Variants in ROBO1 observed in about 807,000 individuals in gnomAD.
ROBO1 encodes roundabout homolog 1.
Under a neutral mutation model 195.9 loss-of-function variants are expected in ROBO1, and 149 were observed. The observed-to-expected ratio is 0.76, with a 90% CI of 0.67 to 0.87. The LOEUF (loss-of-function observed/expected upper bound fraction) is 0.87, where lower values mean the gene tolerates loss of function less well. Among genes scored for constraint, ROBO1 ranks in the 40% least tolerant of loss-of-function variants. The pLI is 0.00. For missense variants in ROBO1, 1,933 were observed against 2,068.3 expected, an observed-to-expected ratio of 0.93 and a Z score of 1.27; for synonymous variants, 816 against 733.2, an observed-to-expected ratio of 1.11 and a Z score of -1.82.
chr3:79,595,762 C>A (rs1260053812), intron 1 of ROBO1, among the ~76,000 whole-genome samples: 1 of 150,570 alleles, frequency 6.6e-6, no homozygotes, highest in Non-Finnish European at 1.5e-5. Flanking sequence ...CCTATGTTGC[C>A]CAAGATGGTC....
At chr3:79,363,115 C>T (rs1171312767) in intron 2 of ROBO1, among the ~76,000 whole-genome samples, 1 of 152,102 alleles carries the variant, frequency 6.6e-6, no homozygotes, top group African/African-American at 2.4e-5. Flanking sequence ...TTCTTCTCAG[C>T]CACTAACAGC....
chr3:79,445,378 A>T (rs1575834539), intron 2 of ROBO1, among the ~76,000 whole-genome samples: 1 of 151,882 alleles, frequency 6.6e-6, no homozygotes, highest in South Asian at 2.1e-4. Context: ...CACACCAGTG[A>T]TCAGGTTTAT....
intron 4 of ROBO1, among the ~76,000 whole-genome samples, chr3:78,842,368 GAGCCATATATATTTTTATATA>G (rs1232883833): frequency 3.2e-5 from 2 of 61,550 alleles, no homozygotes; most frequent in African/African-American, 6.8e-5. Flanking sequence ...TTATATATAT[GAGCCATATATATTTTTATATA>G]TATGAGCCAT....
chr3:79,527,618 A>G (rs964905400), intron 2 of ROBO1, among the ~76,000 whole-genome samples: 6 of 152,178 alleles, frequency 3.9e-5, no homozygotes, highest in Non-Finnish European at 7.4e-5. Context: ...AGCAAAAAAA[A>G]AAATCAGGTT....
At position 79,460,280 on chromosome 3, in the gene ROBO1, C is replaced by T. The variant is rs539597678; in HGVS notation, c.88+129544G>A. On this transcript the variant is annotated intron_variant, in intron 2 of 30. Transcript: ENST00000464233. ...TCAATATATGGAGACTACAGTAACA[C>T]TGATTGTAAATATCCAAATGTGTTT... Among the ~76,000 whole-genome samples the T allele has an allele frequency of 7.9e-5, 12 of 152,272 alleles. No homozygotes were observed. The South Asian group carries it at 2.5e-3, about 32-fold the overall frequency.
chr3:78,729,743 C>G (rs2082245580), intron 5 of ROBO1, among the ~76,000 whole-genome samples: 1 of 152,144 alleles, frequency 6.6e-6, no homozygotes, highest in African/African-American at 2.4e-5. Context: ...TGGTTTTAGC[C>G]TTTGCTAGCT....
chr3:79,291,786 A>G (rs908159919), intron 2 of ROBO1, among the ~76,000 whole-genome samples: 2 of 152,178 alleles, frequency 1.3e-5, no homozygotes, highest in African/African-American at 4.8e-5. Context: ...TAGATTCTCC[A>G]TATGATACAT....
chr3:79,659,361 T>A, intron 1 of ROBO1, among the ~76,000 whole-genome samples: 1 of 152,126 alleles, frequency 6.6e-6, no homozygotes, highest in East Asian at 1.9e-4. Flanking sequence ...TAAAATGTAA[T>A]GATATAAATC....
chr3:78,865,250 A>AATAAATT (rs1313092262), intron 4 of ROBO1, among the ~76,000 whole-genome samples: 1 of 152,212 alleles, frequency 6.6e-6, no homozygotes, highest in African/African-American at 2.4e-5. Flanking sequence ...AATAAATAAC[A>AATAAATT]ATAAATTGCT....
intron 1 of ROBO1, among the ~76,000 whole-genome samples, chr3:79,740,699 C>T (rs1028818942): frequency 2.6e-5 from 4 of 152,186 alleles, no homozygotes; most frequent in African/African-American, 9.6e-5. Context: ...CCTGATCCTG[C>T]CGTTGACATG....
intron 2 of ROBO1, among the ~76,000 whole-genome samples, chr3:79,287,957 A>C (rs1239635296): frequency 2.6e-5 from 4 of 152,106 alleles, no homozygotes; most frequent in African/African-American, 9.7e-5. Context: ...AGAACACCCT[A>C]ACCATTCAAA....
Position 78,897,135 on chromosome 3 carries a change from C to T in ROBO1, c.499+41466G>A, listed in dbSNP as rs959618090. 2.0e-5 allele frequency among the ~76,000 whole-genome samples: 3 copies of T among 152,176 alleles called. No individual in the cohort carries two copies. In the South Asian group the frequency reaches 6.2e-4, roughly 32 times the overall value. On this transcript the variant is annotated intron_variant, in intron 4 of 30. Transcript: ENST00000464233. ...TGTCCTGACAGTGAACAGTATCTCA[C>T]CCTCCTTATTCTGTACCTTCACAGT... is the stretch of plus-strand genomic sequence containing the variant.
At chr3:78,968,202 A>G (rs1015216226) in intron 3 of ROBO1, among the ~76,000 whole-genome samples, 2 of 152,098 alleles carry the variant, frequency 1.3e-5, no homozygotes, top group Non-Finnish European at 2.9e-5. Flanking sequence ...ATGCTAACAA[A>G]ACACTCAGGT....
chr3:79,171,023 GAGTT>G (rs1337981761), intron 2 of ROBO1, among the ~76,000 whole-genome samples: 1 of 151,654 alleles, frequency 6.6e-6, no homozygotes, highest in African/African-American at 2.4e-5. Context: ...GGGATATTTT[GAGTT>G]AGTTCTTAAA....
Position 78,951,078 on chromosome 3 carries a change from C to T in ROBO1, c.173-12151G>A, listed in dbSNP as rs138614516. Among the ~76,000 whole-genome samples, 978 of 151,456 alleles carry T rather than the reference C, an allele frequency of 6.5e-3. 10 individuals are homozygous for T. Among genetic ancestry groups the T allele is most frequent in the African/African-American group, 0.023 (948 of 41,314 alleles). On this transcript the variant is annotated intron_variant, in intron 3 of 30. Transcript: ENST00000464233. ...GTTATATATCATATATAACCTATATCATAGATATATATAACTCTGACTCAC... is the reference window on the plus strand; with the variant it reads ...GTTATATATCATATATAACCTATATTATAGATATATATAACTCTGACTCAC...
At chr3:79,714,462 C>T (rs937555351) in intron 1 of ROBO1, among the ~76,000 whole-genome samples, 1 of 152,054 alleles carries the variant, frequency 6.6e-6, no homozygotes, top group Admixed American at 6.6e-5. Context: ...GGATCTAGAA[C>T]TAGAAATACC....
chr3:79,255,301 G>C (rs994121422), intron 2 of ROBO1, among the ~76,000 whole-genome samples: 1 of 152,116 alleles, frequency 6.6e-6, no homozygotes, highest in Non-Finnish European at 1.5e-5. Context: ...ACTGAAATGA[G>C]CTCTTATTGT....
At chr3:79,725,470 C>T (rs922879867) in intron 1 of ROBO1, among the ~76,000 whole-genome samples, 1 of 151,994 alleles carries the variant, frequency 6.6e-6, no homozygotes, top group Non-Finnish European at 1.5e-5. Flanking sequence ...TCGTGATCCG[C>T]CCGCCTCGGC....
intron 1 of ROBO1, among the ~76,000 whole-genome samples, chr3:79,763,528 A>G (rs933093608): frequency 1.3e-5 from 2 of 152,162 alleles, no homozygotes; most frequent in Admixed American, 1.3e-4. Context: ...GGCCAAATGA[A>G]GAAGATAATT....
Sources: gnomAD v4.1 joint callset for allele counts (sites outside exome capture counted in the v4.1 genomes callset) on GRCh38, gnomAD v4.1.1 for gene constraint, MANE v1.5 for transcripts, NCBI Gene and HGNC (gene_info 2026-07-23, HGNC 2026-07-21) for gene names.